ADAM7: variants seen among roughly 807,000 people sequenced by gnomAD.
ADAM7 encodes disintegrin and metalloproteinase domain-containing protein 7.
ADAM7 carries 97 observed loss-of-function variants against 102.9 expected under a neutral mutation model. The observed-to-expected ratio is 0.94, with a 90% confidence interval of 0.80 to 1.12. The LOEUF (loss-of-function observed/expected upper bound fraction) is 1.12, where lower values mean the gene tolerates loss of function less well. ADAM7 is among the 50% of genes most tolerant of loss of function. ADAM7 has a pLI of 0.00. For synonymous variants in ADAM7, 334 were observed against 304.4 expected, an observed-to-expected ratio of 1.10 and a Z score of -1.01; for missense variants, 991 against 908.7, an observed-to-expected ratio of 1.09 and a Z score of -1.16.
At chr8:24,451,347 A>G (rs1471351987) in intron 3 of ADAM7, among the ~76,000 whole-genome samples, 2 of 152,164 alleles carry the variant, frequency 1.3e-5, no homozygotes, top group Non-Finnish European at 2.9e-5. Flanking sequence ...TGGTCTATTC[A>G]GAGATTTGAC....
intron 8 of ADAM7, among the ~76,000 whole-genome samples, chr8:24,476,815 A>G (rs927690418): frequency 6.6e-6 from 1 of 152,146 alleles, no homozygotes; most frequent in Non-Finnish European, 1.5e-5. Flanking sequence ...ACTTTAAATC[A>G]CTGCTCTGTG....
Position 24,508,850 on chromosome 8 carries a change from T to C in ADAM7, c.*304T>C. The stretch of plus-strand genomic sequence containing the variant: ...GTAGTATTTTCCTACAAAATGTTAC[T>C]CTGCTTTCTTTTAAGAATCCAAACT... On this transcript the variant is annotated 3_prime_UTR_variant, in exon 22 of 22. Coordinates refer to ENST00000175238, the MANE Select transcript of ADAM7 (RefSeq NM_003817.4). The C allele has an allele frequency of 3.3e-6, 4 of 1,199,696 alleles. No individual in the cohort carries two copies. The highest frequency in any genetic ancestry group is 4.1e-6 in the Non-Finnish European group (4 of 967,096). 74.3% of individuals were successfully genotyped at this position (1,199,696 alleles called of 1,614,324 possible).
At chr8:24,491,500 T>C (rs565252243) in intron 13 of ADAM7, among the ~76,000 whole-genome samples, 1 of 152,310 alleles carries the variant, frequency 6.6e-6, no homozygotes, top group African/African-American at 2.4e-5. Flanking sequence ...CTCCAGTTCA[T>C]ATGCAGGAAT....
intron 7 of ADAM7, among the ~76,000 whole-genome samples, chr8:24,473,292 G>A (rs187554709): frequency 3.1e-4 from 47 of 152,256 alleles, no homozygotes; most frequent in Middle Eastern, 6.8e-3. Context: ...CTCAAAACCT[G>A]GTGGGTAATC....
At chr8:24,453,539 G>A (rs1818883019) in intron 3 of ADAM7, among the ~76,000 whole-genome samples, 1 of 152,070 alleles carries the variant, frequency 6.6e-6, no homozygotes, top group African/African-American at 2.4e-5. Flanking sequence ...GGTTATTCTA[G>A]TTGTACACTC....
intron 19 of ADAM7, among the ~76,000 whole-genome samples, chr8:24,501,108 G>C (rs1255807328): frequency 6.6e-6 from 1 of 152,008 alleles, no homozygotes; most frequent in East Asian, 1.9e-4. Context: ...ATCACCAACA[G>C]GTCTTTCAAA....
At chr8:24,448,211 A>T (rs1196313330) in intron 3 of ADAM7, among the ~76,000 whole-genome samples, 1 of 152,196 alleles carries the variant, frequency 6.6e-6, no homozygotes, top group East Asian at 1.9e-4. Flanking sequence ...CTGAGGAAGA[A>T]TTATAGGTAC....
At chr8:24,460,324 A>G (rs1819194423) in intron 3 of ADAM7, among the ~76,000 whole-genome samples, 1 of 152,084 alleles carries the variant, frequency 6.6e-6, no homozygotes, top group South Asian at 2.1e-4. Flanking sequence ...GAATGTTAAC[A>G]TTAACATTGA....
At chr8:24,459,986 T>C (rs1399811277) in intron 3 of ADAM7, among the ~76,000 whole-genome samples, 1 of 152,166 alleles carries the variant, frequency 6.6e-6, no homozygotes, top group African/African-American at 2.4e-5. Context: ...TTTATTATCA[T>C]TCATTTCAAA....
At chr8:24,446,803 CCATTT>C (rs1404752713) in intron 2 of ADAM7, among the ~76,000 whole-genome samples, 1 of 150,160 alleles carries the variant, frequency 6.7e-6, no homozygotes, top group Non-Finnish European at 1.5e-5. Context: ...TCTGCATTTT[CCATTT>C]AATTGTATAA....
At chr8:24,501,357 C>T in intron 19 of ADAM7, 120 bp from the exon 20 acceptor site, 1 of 671,854 alleles carries the variant, frequency 1.5e-6, no homozygotes, top group Non-Finnish European at 2.5e-6. Flanking sequence ...ATATATTTAA[C>T]ATTGTAATGA....
chr8:24,509,465 T>A lies in ADAM7; in HGVS notation c.*919T>A, dbSNP rs1330415198. On this transcript the variant is annotated 3_prime_UTR_variant, in exon 22 of 22. Coordinates refer to ENST00000175238, the MANE Select transcript of ADAM7 (RefSeq NM_003817.4). ...CTTCTTGTGAACTGTTAAAGCTACA[T>A]GCATTATTTTTTTTCCATTTACTGA... The A allele has an allele frequency of 1.0e-6, 1 of 984,872 alleles. No individual in the cohort carries two copies. Among genetic ancestry groups the A allele is most frequent in the Non-Finnish European group, 1.2e-6 (1 of 829,522 alleles). 61.0% of individuals were successfully genotyped at this position (984,872 alleles called of 1,614,324 possible).
intron 7 of ADAM7, among the ~76,000 whole-genome samples, chr8:24,472,810 A>G (rs1348788958): frequency 1.3e-5 from 2 of 152,134 alleles, no homozygotes; most frequent in Admixed American, 1.3e-4. Context: ...GAGTAGTTCA[A>G]CAGAGCCAAG....
Position 24,508,772 on chromosome 8 carries a change from C to T in ADAM7, c.*226C>T. ...AACATATGCTGCAGAAAAAAAATGT[C>T]TTGTGGTCTTTCAAATGCTCTTTAG... On this transcript the variant is annotated 3_prime_UTR_variant, in exon 22 of 22. Coordinates refer to ENST00000175238, the MANE Select transcript of ADAM7 (RefSeq NM_003817.4). 7.4e-7 allele frequency: 1 copy of T among 1,352,218 alleles called. No individual in the cohort carries two copies. Among genetic ancestry groups the T allele is most frequent in the Non-Finnish European group, 9.5e-7 (1 of 1,051,166 alleles). The allele number at this position is 1,352,218 out of a possible 1,614,324, so 83.8% of individuals were successfully genotyped here. A position where few individuals can be genotyped will look rare whatever the true frequency, so the allele number is the denominator to read the frequency against.
chr8:24,490,927 T>A (rs1418076831), intron 13 of ADAM7, 39 bp downstream of exon 13: 1 of 1,594,300 alleles, frequency 6.3e-7, no homozygotes, highest in East Asian at 2.2e-5. Flanking sequence ...TTTTTTTCAG[T>A]TTAAGAATAT....
At chr8:24,453,515 C>T (rs1818882133) in intron 3 of ADAM7, among the ~76,000 whole-genome samples, 1 of 152,178 alleles carries the variant, frequency 6.6e-6, no homozygotes, top group Admixed American at 6.5e-5. Context: ...CTCCTTTAAG[C>T]ACTTCTCTGT....
intron 16 of ADAM7, among the ~76,000 whole-genome samples, chr8:24,497,861 C>G (rs1820612940): frequency 6.6e-6 from 1 of 152,064 alleles, no homozygotes. Flanking sequence ...TACCATAATA[C>G]TTCTCTGCAA....
chr8:24,474,718 T>G (rs1819712856), intron 7 of ADAM7, among the ~76,000 whole-genome samples: 1 of 151,668 alleles, frequency 6.6e-6, no homozygotes, highest in African/African-American at 2.4e-5. Flanking sequence ...CAGCAAGACC[T>G]CATCATGACA....
chr8:24,477,838 T>C (rs1819818735), intron 8 of ADAM7, among the ~76,000 whole-genome samples: 1 of 152,070 alleles, frequency 6.6e-6, no homozygotes, highest in Non-Finnish European at 1.5e-5. Context: ...ATTTGGCTAA[T>C]TTTTGTTGGG....
Sources: allele counts gnomAD v4.1 joint callset (sites outside exome capture counted in the v4.1 genomes callset), GRCh38; gene constraint gnomAD v4.1.1; transcripts MANE v1.5; gene names NCBI Gene and HGNC (gene_info 2026-07-23, HGNC 2026-07-21).